NOVA1: variants seen among roughly 807,000 people sequenced by gnomAD.
NOVA1 encodes NOVA alternative splicing regulator 1, also known as RNA-binding protein Nova-1.
A neutral mutation model predicts 38.0 loss-of-function variants in NOVA1; 7 were observed. The ratio of observed to expected loss-of-function variants is 0.18; its 90% CI spans 0.10 to 0.35. The LOEUF (loss-of-function observed/expected upper bound fraction) is 0.35. NOVA1 is among the 10% of genes least tolerant of loss of function. The probability of loss-of-function intolerance (pLI) is 1.00; values close to 1 mark genes in which losing one functional copy is unlikely to be tolerated. For missense variants in NOVA1, 460 were observed against 616.0 expected (o/e 0.75, Z 2.68); for synonymous variants, 270 against 232.5 (o/e 1.16, Z -1.47).
chr14:26,467,814 G>T (rs528595411), intron 4 of NOVA1, among the ~76,000 whole-genome samples: 16 of 152,304 alleles, frequency 1.1e-4, no homozygotes, highest in Admixed American at 3.3e-4. Context: ...GTTTGTGGAA[G>T]TTACTTTTGA....
At chr14:26,528,870 C>T (rs1476759215) in intron 2 of NOVA1, among the ~76,000 whole-genome samples, 3 of 152,124 alleles carry the variant, frequency 2.0e-5, no homozygotes, top group Admixed American at 1.3e-4. Flanking sequence ...TAAAGCTGAC[C>T]ACTCTAAACT....
intron 2 of NOVA1, chr14:26,549,227 T>C (rs1052227470): frequency 6.6e-6 from 1 of 151,982 alleles, no homozygotes; most frequent in African/African-American, 2.4e-5. Context: ...CAAAACTAGT[T>C]CATCATAAAC....
At chr14:26,532,901 A>AT (rs879367667) in intron 2 of NOVA1, among the ~76,000 whole-genome samples, 15 of 152,150 alleles carry the variant, frequency 9.9e-5, no homozygotes, top group Non-Finnish European at 1.8e-4. Flanking sequence ...ATAAAATGTG[A>AT]TTTTTAGATC....
intron 2 of NOVA1, among the ~76,000 whole-genome samples, chr14:26,592,401 A>G (rs1594596052): frequency 7.0e-6 from 1 of 143,768 alleles, no homozygotes; most frequent in Non-Finnish European, 1.5e-5. Flanking sequence ...ATCATGTAAG[A>G]AAAAAAAAAA....
intron 2 of NOVA1, chr14:26,593,368 C>G (rs983010479): frequency 2.0e-5 from 3 of 151,756 alleles, no homozygotes; most frequent in Non-Finnish European, 4.4e-5. Context: ...CTATCTGAAG[C>G]AAAGAGATTA....
rs148201566 is a variant in NOVA1, at chr14:26,561,558, A to C, written c.280+33852T>G. 2.2e-4 allele frequency among the ~76,000 whole-genome samples: 33 copies of C among 152,234 alleles called. No individual in the cohort carries two copies. In the East Asian group the frequency reaches 5.2e-3, roughly 24 times the overall value. ...ATTATATCCTCAGCAGGAAGGCAAT[A>C]GGTTTCTATCTACACTAAGGAAAGA... On this transcript the variant is annotated intron_variant, in intron 2 of 4. Coordinates refer to ENST00000539517, the MANE Select transcript of NOVA1 (RefSeq NM_002515.3).
chr14:26,574,278 C>CA (rs1892689041), intron 2 of NOVA1, among the ~76,000 whole-genome samples: 2 of 95,860 alleles, frequency 2.1e-5, no homozygotes, highest in African/African-American at 8.3e-5. Flanking sequence ...CCCCCCCCCC[C>CA]CCGCCCCCTC....
chr14:26,572,758 G>GTGTGTGTGTA lies in NOVA1; in HGVS notation c.280+22651_280+22652insTACACACACA, dbSNP rs1566548665. Among the ~76,000 whole-genome samples, 5 of 148,710 alleles carry GTGTGTGTGTA rather than the reference G, an allele frequency of 3.4e-5. No individual in the cohort carries two copies. In the South Asian group the frequency reaches 1.1e-3, roughly 32 times the overall value. On this transcript the variant is annotated intron_variant, in intron 2 of 4. Transcript: ENST00000539517. ...TGTGTGTGTGTGTGTGTGTGTGTGT[G>GTGTGTGTGTA]TGTGTGTATGTGTGTCTGTACGTTT...
intron 2 of NOVA1, among the ~76,000 whole-genome samples, chr14:26,504,390 T>A (rs1448471698): frequency 6.6e-6 from 1 of 152,184 alleles, no homozygotes; most frequent in African/African-American, 2.4e-5. Context: ...AAATTTCCAA[T>A]ATATTTAGCA....
chr14:26,451,004 T>C (rs1037726705), intron 4 of NOVA1, among the ~76,000 whole-genome samples: 13 of 152,192 alleles, frequency 8.5e-5, no homozygotes, highest in African/African-American at 3.1e-4. Flanking sequence ...TTATGTTATT[T>C]TAAATTATAA....
chr14:26,505,543 A>C (rs1887583223), intron 2 of NOVA1, among the ~76,000 whole-genome samples: 1 of 152,152 alleles, frequency 6.6e-6, no homozygotes, highest in African/African-American at 2.4e-5. Context: ...TAAATTACCC[A>C]GTCTCAGGTA....
intron 4 of NOVA1, among the ~76,000 whole-genome samples, chr14:26,461,874 A>T (rs1883705540): frequency 6.6e-6 from 1 of 151,522 alleles, no homozygotes; most frequent in Admixed American, 6.6e-5. Flanking sequence ...TGGGAGTGGG[A>T]GGTTCAGGTG....
At chr14:26,500,116 A>G (rs1443132422) in intron 2 of NOVA1, among the ~76,000 whole-genome samples, 2 of 151,984 alleles carry the variant, frequency 1.3e-5, no homozygotes, top group African/African-American at 4.8e-5. Context: ...TGGTTTCCAC[A>G]GTCTAGATTA....
chr14:26,543,264 A>G (rs1890582904), intron 2 of NOVA1, among the ~76,000 whole-genome samples: 1 of 151,918 alleles, frequency 6.6e-6, no homozygotes, highest in Non-Finnish European at 1.5e-5. Context: ...TTTTTGGAAC[A>G]AGGAGAAAAA....
At chr14:26,462,459 T>C (rs188339293) in intron 4 of NOVA1, among the ~76,000 whole-genome samples, 2 of 152,324 alleles carry the variant, frequency 1.3e-5, no homozygotes, top group African/African-American at 4.8e-5. Context: ...TCAAGAGGCG[T>C]CATGAAATAT....
At chr14:26,501,927 G>C (rs1341015173) in intron 2 of NOVA1, among the ~76,000 whole-genome samples, 1 of 151,916 alleles carries the variant, frequency 6.6e-6, no homozygotes, top group African/African-American at 2.4e-5. Context: ...TAATATGTCT[G>C]AGGATTTTCT....
chr14:26,448,088 A>C lies in NOVA1; in HGVS notation c.1395T>G (p.Pro465=), dbSNP rs776277936. 1 of 1,614,192 alleles carries C rather than the reference A, an allele frequency of 6.2e-7. No homozygotes were observed. The highest frequency in any genetic ancestry group is 1.7e-5 in the Admixed American group (1 of 60,024). Residue 465 remains proline (P), a synonymous_variant, in exon 5 of 5, where the codon CCT becomes CCG. Transcript: ENST00000539517. The surrounding 1 kb of genome is among the most constrained non-coding windows in gnomAD (Gnocchi z 5.3). ...TGGTTACCTTCCGATTCCTTGTGCC[A>C]GGTACGAATTCTCCTTTTTTGGAGA... ...IQISKKGEFV[P]GTRNRKVTIT...
At chr14:26,595,672 T>C (rs1007898191) in intron 1 of NOVA1, 119 bp from the exon 2 acceptor site, 15 of 769,494 alleles carry the variant, frequency 1.9e-5, no homozygotes, top group Middle Eastern at 2.6e-4. Flanking sequence ...GCAGGAAATA[T>C]GAAGTTAAAC....
At chr14:26,530,994 A>T (rs1889672520) in intron 2 of NOVA1, among the ~76,000 whole-genome samples, 1 of 152,198 alleles carries the variant, frequency 6.6e-6, no homozygotes. Flanking sequence ...TAATATGTAC[A>T]TTCATTCTAT....
Sources: gnomAD v4.1 joint callset for allele counts (sites outside exome capture counted in the v4.1 genomes callset) on GRCh38, gnomAD v4.1.1 for gene constraint, Gnocchi (gnomAD v3.1) non-coding constraint, MANE v1.5 for transcripts, NCBI Gene and HGNC (gene_info 2026-07-23, HGNC 2026-07-21) for gene names.